Variants in NOMO1 observed in about 807,000 individuals in gnomAD.
NOMO1 encodes NODAL modulator 1.
NOMO1 carries 40 observed loss-of-function variants against 133.8 expected under a neutral mutation model. That is an observed-to-expected ratio of 0.30 (90% confidence interval 0.23 to 0.39). The LOEUF is 0.39. Ranked by LOEUF, NOMO1 falls within the 10% of genes least tolerant of loss-of-function variation. The pLI is 1.00. For missense variants in NOMO1, 462 were observed against 1,419.9 expected, an observed-to-expected ratio of 0.33 and a Z score of 10.84; for synonymous variants, 236 against 570.5, an observed-to-expected ratio of 0.41 and a Z score of 8.36.
At chr16:14,851,534 G>A (rs1016773717) in intron 6 of NOMO1, among the ~76,000 whole-genome samples, 1 of 122,722 alleles carries the variant, frequency 8.1e-6, no homozygotes, top group South Asian at 3.1e-4. Flanking sequence ...GGTTTACAGC[G>A]ACTGTGGCAC....
At chr16:14,869,213 C>T (rs1285995611) in intron 16 of NOMO1, among the ~76,000 whole-genome samples, 1 of 151,876 alleles carries the variant, frequency 6.6e-6, no homozygotes, top group Non-Finnish European at 1.5e-5. Flanking sequence ...GCTGGGATTA[C>T]AGGTGTGAGC....
In NOMO1 at chr16:14,886,860, G is replaced by A. The variant is rs759069450; in HGVS notation, c.3322G>A (p.Glu1108Lys). The change falls in exon 28 of 31, where the codon GAG becomes AAG. Residue 1108 changes from glutamate (E) to lysine (K), a missense_variant and splice_region_variant. By Grantham distance (56) the Glu-to-Lys change is moderately conservative. Coordinates refer to ENST00000287667, the MANE Select transcript of NOMO1 (RefSeq NM_014287.4). Reference sequence around the variant, plus strand: ...TTTCCCCCCACTGCTCAGAGACGGCGAGGTAATGCCTGTGGCCGGATTCTA... The same window carrying A: ...TTTCCCCCCACTGCTCAGAGACGGCAAGGTAATGCCTGTGGCCGGATTCTA... ...FHFPPLLRDGENYVVLLDSTL... is the reference protein window; with the variant it reads ...FHFPPLLRDGKNYVVLLDSTL... The A allele has an allele frequency of 1.1e-5, 18 of 1,611,648 alleles. No individual in the cohort carries two copies. The highest frequency in any genetic ancestry group is 4.5e-4 in the Middle Eastern group (2 of 4,450).
chr16:14,874,157 G>A (rs1458563376), intron 18 of NOMO1, among the ~76,000 whole-genome samples: 1 of 150,934 alleles, frequency 6.6e-6, no homozygotes, highest in Admixed American at 6.6e-5. Flanking sequence ...TCCTGTTTCC[G>A]CCATTGCTTT....
At chr16:14,834,422 CAT>C (rs984198155) in intron 1 of NOMO1, among the ~76,000 whole-genome samples, 1 of 131,920 alleles carries the variant, frequency 7.6e-6, no homozygotes, top group Non-Finnish European at 1.6e-5. Flanking sequence ...CTAGAGACCA[CAT>C]GTCTTATCCC....
intron 29 of NOMO1, among the ~76,000 whole-genome samples, chr16:14,893,466 G>T (rs1485726180): frequency 6.6e-6 from 1 of 151,882 alleles, no homozygotes; most frequent in Non-Finnish European, 1.5e-5. Flanking sequence ...GATTACAGGC[G>T]TGAGCCACTG....
chr16:14,886,710 A>C (rs1319493976), intron 27 of NOMO1, 51 bp from the exon 28 acceptor site: 1 of 1,610,466 alleles, frequency 6.2e-7, no homozygotes, highest in African/African-American at 1.3e-5. Context: ...GCTATGAAAT[A>C]TTGATTGTGT....
At chr16:14,847,470 AATTAAT>A (rs1395181208) in intron 5 of NOMO1, among the ~76,000 whole-genome samples, 1 of 104,632 alleles carries the variant, frequency 9.6e-6, no homozygotes, top group African/African-American at 3.7e-5. Flanking sequence ...GGAAAGATGA[AATTAAT>A]ATTATTACTT....
intron 5 of NOMO1, among the ~76,000 whole-genome samples, chr16:14,847,758 G>A (rs1292329118): frequency 1.3e-5 from 2 of 152,030 alleles, no homozygotes; most frequent in African/African-American, 2.4e-5. Context: ...TAAGTAAATT[G>A]CAAAATAGAA....
chr16:14,886,705 G>T, intron 27 of NOMO1, 56 bp from the exon 28 acceptor site: 1 of 1,610,580 alleles, frequency 6.2e-7, no homozygotes, highest in Non-Finnish European at 8.5e-7. Context: ...TGTCTGCTAT[G>T]AAATATTGAT....
chr16:14,868,691 G>T, intron 16 of NOMO1, 56 bp downstream of exon 16: 1 of 1,258,996 alleles, frequency 7.9e-7, no homozygotes, highest in Non-Finnish European at 1.2e-6. Flanking sequence ...GGCACCAGAG[G>T]ATGGTTTTGA....
intron 9 of NOMO1, among the ~76,000 whole-genome samples, chr16:14,855,030 CAG>C (rs1482146352): frequency 6.7e-6 from 1 of 148,892 alleles, no homozygotes; most frequent in African/African-American, 2.5e-5. Context: ...AGGGAGGTGA[CAG>C]GGCAGATTGT....
rs866399349 is a variant in NOMO1 at position 14,889,430 on chromosome 16, G to A, written c.3444+215G>A. Among the ~76,000 whole-genome samples the A allele has an allele frequency of 6.6e-4, 101 of 152,194 alleles. 1 individual carries two copies. The highest frequency in any genetic ancestry group is 1.1e-3 in the Non-Finnish European group (75 of 68,016). On this transcript the variant is annotated intron_variant, in intron 29 of 30. Transcript: ENST00000287667. ...ACCTATAGTCCCGGCTACTCGGGAG[G>A]CTGAGGTGGGAGGATCACTTGAGCC...
At chr16:14,885,573 C>T (rs1447817759) in intron 27 of NOMO1, among the ~76,000 whole-genome samples, 4 of 151,562 alleles carry the variant, frequency 2.6e-5, no homozygotes, top group South Asian at 4.2e-4. Flanking sequence ...AGTGTGTGTG[C>T]GCTTTAGTCC....
chr16:14,859,159 A>G lies in NOMO1; in HGVS notation c.1220+1504A>G, dbSNP rs397833904. 1.6e-4 allele frequency among the ~76,000 whole-genome samples: 24 copies of G among 151,646 alleles called. No homozygotes were observed. The East Asian group carries it at 3.9e-3, about 24-fold the overall frequency. On this transcript the variant is annotated intron_variant, in intron 11 of 30. Transcript: ENST00000287667. ...GTGGCCCAGGGGGGACCTAGGGAGCATGAGGTCACAGGAGCTAAGAAAGTA... is the reference window on the plus strand; with the variant it reads ...GTGGCCCAGGGGGGACCTAGGGAGCGTGAGGTCACAGGAGCTAAGAAAGTA...
In NOMO1 at chr16:14,887,454, C is replaced by T. The variant is rs766576956; in HGVS notation, c.3324+592C>T. On this transcript the variant is annotated intron_variant, in intron 28 of 30. Transcript: ENST00000287667. ...GACTACAGGCGTGTGCCACCACACC[C>T]GGCTAATTCTTTTTTTTTTTTATTT... 8.9e-4 allele frequency among the ~76,000 whole-genome samples: 136 copies of T among 151,956 alleles called. 1 individual carries two copies. The highest frequency in any genetic ancestry group is 1.6e-3 in the Non-Finnish European group (108 of 67,968).
chr16:14,892,336 G>C (rs1964417187), intron 29 of NOMO1, among the ~76,000 whole-genome samples: 1 of 151,896 alleles, frequency 6.6e-6, no homozygotes, highest in African/African-American at 2.4e-5. Context: ...GCTGGGAGAG[G>C]CTTCTGTGAA....
chr16:14,839,221 A>C (rs917604635), intron 2 of NOMO1, among the ~76,000 whole-genome samples: 5 of 151,560 alleles, frequency 3.3e-5, no homozygotes, highest in African/African-American at 1.2e-4. Flanking sequence ...CACCCAGCTA[A>C]TGTTTTGTAT....
chr16:14,886,216 C>T (rs1405875652), intron 27 of NOMO1, among the ~76,000 whole-genome samples: 1 of 150,194 alleles, frequency 6.7e-6, no homozygotes, highest in Non-Finnish European at 1.5e-5. Context: ...TGATGGAATG[C>T]GTTTTGAGTT....
At chr16:14,864,928 A>G in intron 13 of NOMO1, 96 bp from the exon 14 acceptor site, 3 of 1,589,170 alleles carry the variant, frequency 1.9e-6, no homozygotes, top group Admixed American at 1.7e-5. Context: ...TTAGGAGCTC[A>G]GCAGTAGCAA....
Sources: allele counts gnomAD v4.1 joint callset (sites outside exome capture counted in the v4.1 genomes callset), GRCh38; gene constraint gnomAD v4.1.1; transcripts MANE v1.5; gene names NCBI Gene and HGNC (gene_info 2026-07-23, HGNC 2026-07-21).